The following LRRC27 variants were observed in gnomAD, a reference collection of about 807,000 sequenced individuals.
LRRC27 encodes leucine rich repeat containing 27, also known as leucine-rich repeat-containing protein 27.
Under a neutral mutation model 55.0 loss-of-function variants are expected in LRRC27, and 57 were observed. That is an observed-to-expected ratio of 1.04 (90% CI 0.84 to 1.29). The LOEUF (loss-of-function observed/expected upper bound fraction) is 1.29. LRRC27 is among the 50% of genes most tolerant of loss of function. The pLI is 0.00. For missense variants in LRRC27, 721 were observed against 651.5 expected (o/e 1.11, Z -1.16); for synonymous variants, 278 against 251.9 (o/e 1.10, Z -0.98).
chr10:132,344,470 C>T (rs757453394), intron 4 of LRRC27, 28 bp from the exon 5 acceptor site: 3 of 1,592,530 alleles, frequency 1.9e-6, no homozygotes, highest in South Asian at 2.2e-5. Flanking sequence ...ATATAGAATG[C>T]TGACAGTTTT....
intron 10 of LRRC27, among the ~76,000 whole-genome samples, chr10:132,371,029 C>A (rs1022759702): frequency 6.6e-6 from 1 of 152,256 alleles, no homozygotes; most frequent in Admixed American, 6.5e-5. Flanking sequence ...CGTATGGAGG[C>A]GGGCACGCAT....
chr10:132,337,504 T>C, intron 2 of LRRC27, 61 bp from the exon 3 acceptor site: 4 of 1,595,742 alleles, frequency 2.5e-6, no homozygotes, highest in Non-Finnish European at 3.4e-6. Flanking sequence ...ATTTTGGATA[T>C]ATCATGTTTT....
chr10:132,356,792 C>A (rs2068332590), intron 8 of LRRC27, among the ~76,000 whole-genome samples: 1 of 152,264 alleles, frequency 6.6e-6, no homozygotes, highest in South Asian at 2.1e-4. Context: ...GGTGGCTCCT[C>A]CCTCCAGAAT....
chr10:132,343,929 C>T (rs751569001), intron 4 of LRRC27, among the ~76,000 whole-genome samples: 1 of 152,134 alleles, frequency 6.6e-6, no homozygotes, highest in Non-Finnish European at 1.5e-5. Flanking sequence ...TCTCAGCGGC[C>T]ATCGTTTCCA....
chr10:132,360,624 T>C (rs539119235), intron 8 of LRRC27, among the ~76,000 whole-genome samples: 46 of 152,224 alleles, frequency 3.0e-4, no homozygotes, highest in African/African-American at 1.1e-3. Context: ...ACTTTCTAAG[T>C]GTCAGGCATG....
intron 2 of LRRC27, chr10:132,337,099 C>T (rs2067171543): frequency 8.1e-7 from 1 of 1,241,196 alleles, no homozygotes; most frequent in African/African-American, 1.6e-5. Context: ...CTGTCCCTGT[C>T]TTTTAGTTTC....
chr10:132,368,793 T>G (rs768754748), intron 10 of LRRC27, among the ~76,000 whole-genome samples: 3 of 152,218 alleles, frequency 2.0e-5, no homozygotes, highest in Non-Finnish European at 4.4e-5. Flanking sequence ...CAGAAATAAT[T>G]GATAAGCCGG....
intron 8 of LRRC27, 150 bp from the exon 9 acceptor site, chr10:132,361,307 G>A (rs1218717483): frequency 1.3e-5 from 9 of 715,302 alleles, no homozygotes; most frequent in African/African-American, 3.5e-5. Flanking sequence ...CTGGGGGGAT[G>A]ACTGCGTTGC....
chr10:132,370,741 C>T (rs567509656), intron 10 of LRRC27, among the ~76,000 whole-genome samples: 81 of 152,358 alleles, frequency 5.3e-4, no homozygotes, highest in Admixed American at 4.1e-3. Context: ...CTTCTGAGTA[C>T]CTGGACCTCC....
chr10:132,341,276 C>T (rs113095465), intron 3 of LRRC27, among the ~76,000 whole-genome samples: 35 of 149,492 alleles, frequency 2.3e-4, no homozygotes, highest in African/African-American at 8.5e-4. Context: ...GGGACTGAGG[C>T]GGGAGGATTG....
intron 4 of LRRC27, among the ~76,000 whole-genome samples, chr10:132,343,638 A>G (rs2067528746): frequency 6.6e-6 from 1 of 152,246 alleles, no homozygotes; most frequent in African/African-American, 2.4e-5. Flanking sequence ...CTCAGGGCAG[A>G]GCCCATTAAT....
At chr10:132,349,417 A>G (rs1319363087) in intron 6 of LRRC27, among the ~76,000 whole-genome samples, 3 of 152,200 alleles carry the variant, frequency 2.0e-5, no homozygotes, top group African/African-American at 7.2e-5. Context: ...AGCATCACTA[A>G]AAGATTAAAG....
chr10:132,354,408 A>G (rs1430320742), intron 7 of LRRC27, among the ~76,000 whole-genome samples: 1 of 152,102 alleles, frequency 6.6e-6, no homozygotes, highest in Non-Finnish European at 1.5e-5. Context: ...AGACAGTGAC[A>G]CTAAGTGGAG....
At chr10:132,365,368 G>A in intron 9 of LRRC27, 56 bp from the exon 10 acceptor site, 2 of 1,601,730 alleles carry the variant, frequency 1.2e-6, no homozygotes, top group South Asian at 2.2e-5. Flanking sequence ...GGCGGGAGTT[G>A]CTAGGATGAG....
chr10:132,335,874 C>T (rs558705357), intron 2 of LRRC27, among the ~76,000 whole-genome samples: 5 of 152,212 alleles, frequency 3.3e-5, no homozygotes, highest in Non-Finnish European at 7.4e-5. Flanking sequence ...AGCTATTTTG[C>T]GGGCTAGTAA....
chr10:132,331,367 A>T, upstream of LRRC27: 1 of 1,490,006 alleles, frequency 6.7e-7, no homozygotes, highest in South Asian at 1.3e-5. Flanking sequence ...CCACGCGAGC[A>T]CCTCCCCTCC....
chr10:132,330,740 C>T (rs2066664584), upstream of LRRC27, among the ~76,000 whole-genome samples: 1 of 148,748 alleles, frequency 6.7e-6, no homozygotes, highest in South Asian at 2.2e-4. Context: ...CAACTCCTGG[C>T]CTCAAGCGAT....
intron 7 of LRRC27, chr10:132,353,375 T>C: frequency 1.9e-6 from 2 of 1,064,424 alleles, no homozygotes; most frequent in Non-Finnish European, 2.3e-6. Flanking sequence ...CTCCCCAACA[T>C]GAATAAACCC....
At chr10:132,331,713 G>A (rs747049104), upstream of LRRC27, 26 of 1,612,504 alleles carry the variant, frequency 1.6e-5, no homozygotes, top group Non-Finnish European at 2.0e-5. Flanking sequence ...CGGGCCCTCC[G>A]GCTCCCCAGA....
Sources: allele counts gnomAD v4.1 joint callset (sites outside exome capture counted in the v4.1 genomes callset), GRCh38; gene constraint gnomAD v4.1.1; transcripts MANE v1.5; gene names NCBI Gene and HGNC (gene_info 2026-07-23, HGNC 2026-07-21).